The following LRP2 variants were observed in gnomAD, a reference collection of about 807,000 sequenced individuals.
LRP2 encodes low-density lipoprotein receptor-related protein 2.
Under a neutral mutation model 531.0 loss-of-function variants are expected in LRP2, and 172 were observed. The ratio of observed to expected loss-of-function variants is 0.32; its 90% CI spans 0.29 to 0.37. The LOEUF (loss-of-function observed/expected upper bound fraction) is 0.37. Among genes scored for constraint, LRP2 ranks in the 10% least tolerant of loss-of-function variants. The pLI is 1.00. For missense variants in LRP2, 5,167 were observed against 5,868.3 expected, an observed-to-expected ratio of 0.88 and a Z score of 3.90; for synonymous variants, 1,992 against 2,027.6, an observed-to-expected ratio of 0.98 and a Z score of 0.47.
Position 169,177,880 on chromosome 2 carries a change from G to A in LRP2, c.10316C>T (p.Ser3439Leu), listed in dbSNP as rs1331525674. The change falls in exon 53 of 79, where the codon TCA (serine) becomes TTA (leucine). Residue 3439 changes from serine (S) to leucine (L), a missense_variant. Physicochemically the swap from Ser to Leu is moderately radical, Grantham distance 145 (BLOSUM62 -2). Transcript: ENST00000649046. ...TVEKGNKYDG[S>L]NRQTLVNTTH... ...TGTGTTCACCAGTGTCTGTCTATTT[G>A]ATCCATCATATTTGTTTCCCTTTTC... The A allele has an allele frequency of 6.2e-7, 1 of 1,614,180 alleles. No individual in the cohort carries two copies. The highest frequency in any genetic ancestry group is 2.2e-5 in the East Asian group (1 of 44,892).
intron 4 of LRP2, among the ~76,000 whole-genome samples, chr2:169,299,532 A>G (rs1314202435): frequency 1.4e-5 from 2 of 139,880 alleles, no homozygotes; most frequent in South Asian, 2.3e-4. Context: ...ATAGTTCTAA[A>G]TTCCTTAAAA....
At chr2:169,154,688 G>A in intron 65 of LRP2, 85 bp from the exon 66 acceptor site, 1 of 1,209,518 alleles carries the variant, frequency 8.3e-7, no homozygotes, top group Non-Finnish European at 1.2e-6. Flanking sequence ...GTATGTACCT[G>A]TCCCCTTTTT....
Position 169,246,991 on chromosome 2 carries a change from A to AAAAGC in LRP2, c.2909-10_2909-6dup. ...GTTGATTACAGGCGTTAGAACCTGC[A>AAAAGC]AAAGCAAAGCCCCGAGGGAGTCAGT... is the stretch of plus-strand genomic sequence containing the variant. On this transcript the variant is annotated splice_polypyrimidine_tract_variant and splice_region_variant and intron_variant, in intron 20 of 78. Coordinates refer to ENST00000649046, the MANE Select transcript of LRP2 (RefSeq NM_004525.3). 1.2e-6 allele frequency: 2 copies of AAAAGC among 1,614,004 alleles called. No homozygotes were observed. Among genetic ancestry groups the AAAAGC allele is most frequent in the Non-Finnish European group, 1.7e-6 (2 of 1,179,980 alleles).
Position 169,226,454 on chromosome 2 carries a change from C to T in LRP2, c.5362G>A (p.Ala1788Thr), listed in dbSNP as rs199626867. Reference sequence around the variant, plus strand: ...TCAACCCAATAGATGTATTGCTCAGCATCATCAAATTCAACATCTAAACCA... The same window carrying T: ...TCAACCCAATAGATGTATTGCTCAGTATCATCAAATTCAACATCTAAACCA... Reference protein sequence around the residue: ...QNGLDVEFDDAEQYIYWVENP... With the variant: ...QNGLDVEFDDTEQYIYWVENP... The change falls in exon 32 of 79, where the codon GCT (alanine) becomes ACT (threonine). Residue 1788 changes from alanine to threonine, a missense_variant. This residue lies in a region of LRP2 where 2,811 missense variants were observed against 3,058.0 expected (regional missense o/e 0.92). Coordinates refer to ENST00000649046, the MANE Select transcript of LRP2 (RefSeq NM_004525.3). The T allele has an allele frequency of 6.2e-7, 1 of 1,613,658 alleles. No homozygotes were observed. Among genetic ancestry groups the T allele is most frequent in the Non-Finnish European group, 8.5e-7 (1 of 1,179,678 alleles).
intron 1 of LRP2, among the ~76,000 whole-genome samples, chr2:169,324,573 T>C (rs1457941044): frequency 6.6e-6 from 1 of 152,038 alleles, no homozygotes; most frequent in African/African-American, 2.4e-5. Flanking sequence ...TAGTAAAATT[T>C]TATTAGACAT....
chr2:169,268,620 T>G (rs568411223), intron 16 of LRP2, among the ~76,000 whole-genome samples: 1 of 152,298 alleles, frequency 6.6e-6, no homozygotes, highest in Admixed American at 6.5e-5. Context: ...ATAAGAGCTA[T>G]TTATGACAAA....
intron 1 of LRP2, among the ~76,000 whole-genome samples, chr2:169,360,689 T>C (rs1686125285): frequency 6.6e-6 from 1 of 152,120 alleles, no homozygotes; most frequent in Admixed American, 6.5e-5. Flanking sequence ...TAATAAACCC[T>C]CTTTCTGCGT....
intron 57 of LRP2, among the ~76,000 whole-genome samples, chr2:169,172,765 C>A (rs974870797): frequency 2.0e-5 from 3 of 152,196 alleles, no homozygotes; most frequent in Non-Finnish European, 4.4e-5. Context: ...CCACCAATTT[C>A]AACCAATTTA....
At chr2:169,216,198 G>T in intron 35 of LRP2, 55 bp downstream of exon 35, 1 of 1,573,676 alleles carries the variant, frequency 6.4e-7, no homozygotes. Flanking sequence ...AGAACACTCA[G>T]CATCAGCTAC....
intron 9 of LRP2, among the ~76,000 whole-genome samples, chr2:169,285,214 C>T (rs58338106): frequency 0.28 from 42,046 of 150,728 alleles, 6,071 homozygotes; most frequent in African/African-American, 0.36. Context: ...CCCAGCTATT[C>T]GGGAGGCTGA....
At chr2:169,319,958 C>A (rs955742158) in intron 2 of LRP2, among the ~76,000 whole-genome samples, 2 of 152,120 alleles carry the variant, frequency 1.3e-5, no homozygotes, top group African/African-American at 4.8e-5. Context: ...GCCAACAATT[C>A]AAAACAAAAA....
intron 1 of LRP2, 74 bp from the exon 2 acceptor site, chr2:169,320,958 A>G: frequency 9.3e-7 from 1 of 1,073,626 alleles, no homozygotes. Context: ...AATTTTTGAT[A>G]AAATGAAAAA....
chr2:169,230,740 C>G (rs1205480983), intron 31 of LRP2, among the ~76,000 whole-genome samples: 1 of 152,200 alleles, frequency 6.6e-6, no homozygotes, highest in East Asian at 1.9e-4. Context: ...CAGAAGAAAT[C>G]TCTTTTGTGA....
Position 169,204,187 on chromosome 2 carries a change from G to A in LRP2, c.7800C>T (p.Leu2600=), listed in dbSNP as rs749093727. 1.4e-5 allele frequency: 22 copies of A among 1,614,166 alleles called. No homozygotes were observed. In the Admixed American group the frequency reaches 3.7e-4, roughly 27 times the overall value. ...CAGTCCAGTAAATATACTGGCCATA[G>A]AGAGTCAAGCCAAAAGCATGAACGG... is the stretch of plus-strand genomic sequence containing the variant. The part of the protein sequence containing the change: ...NAAVHAFGLT[L]YGQYIYWTDL... Residue 2600 remains leucine, a synonymous_variant, in exon 42 of 79, where the codon CTC becomes CTT. Coordinates refer to ENST00000649046, the MANE Select transcript of LRP2 (RefSeq NM_004525.3).
chr2:169,244,354 T>A (rs773412679), intron 22 of LRP2, among the ~76,000 whole-genome samples: 59 of 152,358 alleles, frequency 3.9e-4, no homozygotes, highest in Non-Finnish European at 7.2e-4. Flanking sequence ...GGTCTGGATA[T>A]ATCTATATGA....
intron 26 of LRP2, 71 bp downstream of exon 26, chr2:169,239,456 C>T: frequency 6.2e-7 from 1 of 1,612,274 alleles, no homozygotes; most frequent in Non-Finnish European, 8.5e-7. Flanking sequence ...TTGTCAAATA[C>T]CTACATGTGC....
chr2:169,359,456 C>T (rs1686085830), intron 1 of LRP2, among the ~76,000 whole-genome samples: 3 of 151,420 alleles, frequency 2.0e-5, no homozygotes, highest in Admixed American at 2.0e-4. Context: ...TCTTTTTTTT[C>T]CCCTCCAATT....
intron 29 of LRP2, among the ~76,000 whole-genome samples, chr2:169,234,489 T>C (rs560591823): frequency 1.0e-3 from 154 of 152,392 alleles, no homozygotes; most frequent in Non-Finnish European, 1.7e-3. Flanking sequence ...TTCTTTTTTA[T>C]GGCTGCATAG....
rs1685648063 is a variant in LRP2 at position 169,139,618 on chromosome 2, GA to G, written c.13200-9del. ...GTGTAGCCGCTAGGACACCTGAAAG[GA>G]AAAAGCAAATCATTCACTAGCTGTT... is the stretch of plus-strand genomic sequence containing the variant. On this transcript the variant is annotated splice_polypyrimidine_tract_variant and intron_variant, in intron 72 of 78. Coordinates refer to ENST00000649046, the MANE Select transcript of LRP2 (RefSeq NM_004525.3). 6.2e-7 allele frequency: 1 copy of G among 1,613,892 alleles called. No homozygotes were observed. Among genetic ancestry groups the G allele is most frequent in the Non-Finnish European group, 8.5e-7 (1 of 1,179,798 alleles).
Sources: allele counts gnomAD v4.1 joint callset (sites outside exome capture counted in the v4.1 genomes callset), GRCh38; gene constraint gnomAD v4.1.1; regional missense constraint gnomAD v4.1.1; transcripts MANE v1.5; gene names NCBI Gene and HGNC (gene_info 2026-07-23, HGNC 2026-07-21).